ABLIM1: variants seen among roughly 807,000 people sequenced by gnomAD.
The protein encoded by ABLIM1 is actin-binding LIM protein 1.
A neutral mutation model predicts 107.0 loss-of-function variants in ABLIM1; 40 were observed. The observed-to-expected ratio is 0.37, with a 90% CI of 0.29 to 0.49. ABLIM1 has a LOEUF of 0.49. Ranked by LOEUF, ABLIM1 falls within the 20% of genes least tolerant of loss-of-function variation. The pLI, the probability that ABLIM1 is intolerant of heterozygous loss-of-function variation, is 0.97. For synonymous variants in ABLIM1, 357 were observed against 357.3 expected, an observed-to-expected ratio of 1.00 and a Z score of 0.01; for missense variants, 857 against 1,008.5, an observed-to-expected ratio of 0.85 and a Z score of 2.04.
chr10:114,644,541 T>A (rs2078929266), intron 1 of ABLIM1, among the ~76,000 whole-genome samples: 1 of 151,816 alleles, frequency 6.6e-6, no homozygotes. Flanking sequence ...TCATTGCTCG[T>A]CTGTCCCTGC....
intron 2 of ABLIM1, among the ~76,000 whole-genome samples, chr10:114,580,886 C>T (rs1279354125): frequency 6.6e-6 from 1 of 152,104 alleles, no homozygotes. Flanking sequence ...AGTTAACATA[C>T]GCCCAGGGAA....
intron 1 of ABLIM1, among the ~76,000 whole-genome samples, chr10:114,671,662 T>C (rs1033908105): frequency 2.6e-5 from 4 of 152,238 alleles, no homozygotes; most frequent in African/African-American, 9.6e-5. Context: ...CCCATGCTGA[T>C]AGACATATAA....
intron 2 of ABLIM1, among the ~76,000 whole-genome samples, chr10:114,576,965 C>G (rs1465168110): frequency 1.3e-5 from 2 of 152,206 alleles, no homozygotes; most frequent in African/African-American, 2.4e-5. Context: ...CCTCTGCCCC[C>G]ACTGTTCTCC....
upstream of ABLIM1, among the ~76,000 whole-genome samples, chr10:114,688,576 C>A (rs2080999439): frequency 6.6e-6 from 1 of 152,160 alleles, no homozygotes; most frequent in African/African-American, 2.4e-5. Context: ...AACAAAGATT[C>A]CCTCATTGAT....
intron 1 of ABLIM1, chr10:114,690,747 T>C: frequency 2.4e-5 from 8 of 331,326 alleles, no homozygotes; most frequent in South Asian, 5.1e-5. Flanking sequence ...AGTGGTGCGA[T>C]CTCAGCTCCC....
At chr10:114,770,403 TC>T (rs1354059762), upstream of ABLIM1, among the ~76,000 whole-genome samples, 1 of 152,216 alleles carries the variant, frequency 6.6e-6, no homozygotes, top group Admixed American at 6.5e-5. Flanking sequence ...CTCTAGCTAC[TC>T]CCTACTCAAA....
At chr10:114,606,087 C>T (rs569347975) in intron 1 of ABLIM1, among the ~76,000 whole-genome samples, 1 of 152,212 alleles carries the variant, frequency 6.6e-6, no homozygotes, top group East Asian at 1.9e-4. Flanking sequence ...CAGAACTAGC[C>T]TCATCTTGCC....
chr10:114,675,637 A>G (rs1427770657), intron 1 of ABLIM1, among the ~76,000 whole-genome samples: 1 of 152,220 alleles, frequency 6.6e-6, no homozygotes, highest in African/African-American at 2.4e-5. Flanking sequence ...GTATTTACAT[A>G]TACAACTCCT....
chr10:114,587,423 C>T (rs1380547829), intron 2 of ABLIM1, among the ~76,000 whole-genome samples: 1 of 152,118 alleles, frequency 6.6e-6, no homozygotes, highest in East Asian at 1.9e-4. Context: ...GAAAGAAGAG[C>T]TTACATGATC....
intron 8 of ABLIM1, among the ~76,000 whole-genome samples, chr10:114,484,309 A>G (rs1408478649): frequency 6.6e-6 from 1 of 152,156 alleles, no homozygotes; most frequent in Non-Finnish European, 1.5e-5. Flanking sequence ...AGAGGAAATG[A>G]GATTATACGT....
intron 6 of ABLIM1, among the ~76,000 whole-genome samples, chr10:114,533,638 C>T (rs1371678836): frequency 1.3e-5 from 2 of 152,112 alleles, no homozygotes; most frequent in Non-Finnish European, 2.9e-5. Flanking sequence ...CCATTTAATA[C>T]TGTGGGTCCA....
chr10:114,688,978 G>A (rs111981572), upstream of ABLIM1, among the ~76,000 whole-genome samples: 662 of 152,286 alleles, frequency 4.3e-3, 6 homozygotes, highest in African/African-American at 0.015. Context: ...ATTGACGTCA[G>A]AAGAATCATT....
At chr10:114,772,345 T>C (rs2083034039), upstream of ABLIM1, among the ~76,000 whole-genome samples, 1 of 152,080 alleles carries the variant, frequency 6.6e-6, no homozygotes, top group Admixed American at 6.6e-5. Flanking sequence ...CTCATGCCTG[T>C]AATCCCAGCA....
intron 2 of ABLIM1, among the ~76,000 whole-genome samples, chr10:114,598,748 A>G (rs2075702383): frequency 6.6e-6 from 1 of 152,228 alleles, no homozygotes; most frequent in African/African-American, 2.4e-5. Flanking sequence ...GGTTAAATAA[A>G]ATATTTTAAT....
intron 2 of ABLIM1, among the ~76,000 whole-genome samples, chr10:114,596,925 A>G (rs2075469299): frequency 6.6e-6 from 1 of 152,178 alleles, no homozygotes; most frequent in Middle Eastern, 3.4e-3. Context: ...CAAGGTATAC[A>G]TGTGAAGGAG....
At chr10:114,735,619 G>A (rs139531916) in intron 1 of ABLIM1, among the ~76,000 whole-genome samples, 3,891 of 152,248 alleles carry the variant, frequency 0.026, 74 homozygotes, top group Middle Eastern at 0.051. Context: ...ACAGGCACAC[G>A]CTACCACGCC....
chr10:114,792,898 T>C, the ABLIM1 span, among the ~76,000 whole-genome samples: 1 of 152,184 alleles, frequency 6.6e-6, no homozygotes, highest in African/African-American at 2.4e-5. Flanking sequence ...ATGCCTGTAA[T>C]CCCAGCACTT....
chr10:114,501,899 GTTTAGA>G (rs1483622663), intron 6 of ABLIM1: 2 of 152,156 alleles, frequency 1.3e-5, no homozygotes, highest in Admixed American at 6.5e-5. Context: ...CATTCTATGG[GTTTAGA>G]CAAATTTATA....
At chr10:114,503,121 A>G (rs964486886) in intron 6 of ABLIM1, among the ~76,000 whole-genome samples, 7 of 152,152 alleles carry the variant, frequency 4.6e-5, no homozygotes, top group African/African-American at 1.7e-4. Context: ...GATTTTATTT[A>G]TCCATTCTAC....
Sources: allele counts gnomAD v4.1 joint callset (sites outside exome capture counted in the v4.1 genomes callset), GRCh38; gene constraint gnomAD v4.1.1; transcripts MANE v1.5; gene names NCBI Gene and HGNC (gene_info 2026-07-23, HGNC 2026-07-21).